The following PTPRD variants were observed in gnomAD, a reference collection of about 807,000 sequenced individuals.
PTPRD encodes the protein protein tyrosine phosphatase receptor type D.
Under a neutral mutation model 214.5 loss-of-function variants are expected in PTPRD, and 34 were observed. The observed-to-expected ratio is 0.16, with a 90% CI of 0.12 to 0.21. The LOEUF is 0.21. PTPRD is among the 10% of genes least tolerant of loss of function. The probability of loss-of-function intolerance (pLI) is 1.00; values close to 1 mark genes in which losing one functional copy is unlikely to be tolerated. For missense variants in PTPRD, 2,545 were observed against 2,398.7 expected, an observed-to-expected ratio of 1.06 and a Z score of -1.27; for synonymous variants, 1,128 against 845.7, an observed-to-expected ratio of 1.33 and a Z score of -5.79.
At chr9:8,874,716 C>A (rs1309061922) in intron 11 of PTPRD, among the ~76,000 whole-genome samples, 3 of 152,168 alleles carry the variant, frequency 2.0e-5, no homozygotes, top group African/African-American at 7.2e-5. Context: ...CTGTTAAAAC[C>A]TCCAGAGTCC....
At chr9:10,381,886 A>G (rs1000864853) in intron 2 of PTPRD, among the ~76,000 whole-genome samples, 1 of 151,972 alleles carries the variant, frequency 6.6e-6, no homozygotes, top group African/African-American at 2.4e-5. Context: ...TTCCCAATGT[A>G]AAAAGTGATA....
intron 8 of PTPRD, among the ~76,000 whole-genome samples, chr9:9,509,161 G>C (rs760552676): frequency 4.6e-5 from 7 of 151,654 alleles, no homozygotes; most frequent in South Asian, 2.1e-4. Context: ...TGGAGGAAAA[G>C]CCATTCTAAG....
chr9:9,940,964 C>T (rs1002050829), intron 4 of PTPRD, among the ~76,000 whole-genome samples: 2 of 152,024 alleles, frequency 1.3e-5, no homozygotes, highest in African/African-American at 4.8e-5. Flanking sequence ...ATCACTTAGA[C>T]CTGGGGGTGG....
chr9:9,798,262 A>C (rs1253238870), intron 5 of PTPRD, among the ~76,000 whole-genome samples: 1 of 152,196 alleles, frequency 6.6e-6, no homozygotes, highest in East Asian at 1.9e-4. Flanking sequence ...AGAGGTCAAC[A>C]AGGGAAAATC....
chr9:9,563,457 A>T (rs1261333945), intron 8 of PTPRD, among the ~76,000 whole-genome samples: 3 of 152,056 alleles, frequency 2.0e-5, no homozygotes, highest in Non-Finnish European at 4.4e-5. Context: ...CTCTCTCCTT[A>T]TTTTATTCTG....
At chr9:9,978,128 G>C (rs909231281) in intron 4 of PTPRD, among the ~76,000 whole-genome samples, 6 of 152,104 alleles carry the variant, frequency 3.9e-5, no homozygotes, top group Non-Finnish European at 7.4e-5. Flanking sequence ...GGGAGAAAGT[G>C]ATTGGTAACA....
chr9:9,157,089 C>T (rs1234987140), intron 10 of PTPRD, among the ~76,000 whole-genome samples: 6 of 151,970 alleles, frequency 3.9e-5, no homozygotes, highest in East Asian at 1.9e-4. Context: ...AATTAGTGGC[C>T]GGAAACACAA....
At chr9:10,606,451 T>A (rs894366570) in intron 2 of PTPRD, among the ~76,000 whole-genome samples, 1 of 151,782 alleles carries the variant, frequency 6.6e-6, no homozygotes, top group Admixed American at 6.6e-5. Flanking sequence ...TTTCCTAAAT[T>A]CTAAATACAG....
chr9:8,944,786 G>C (rs916133942), intron 11 of PTPRD, among the ~76,000 whole-genome samples: 1 of 151,252 alleles, frequency 6.6e-6, no homozygotes, highest in African/African-American at 2.4e-5. Flanking sequence ...ATGATTAATG[G>C]GTACAAAAAT....
chr9:10,003,151 T>C lies in PTPRD; in HGVS notation c.-472+30567A>G, dbSNP rs573716123. ...TTAGTCAAGGGACATAAGAAATGAG[T>C]TCCAGGCAGAAGGAAGAATAAAGCC... On this transcript the variant is annotated intron_variant, in intron 4 of 45. Transcript: ENST00000381196. 3.3e-5 allele frequency among the ~76,000 whole-genome samples: 5 copies of C among 151,420 alleles called. No homozygotes were observed. The South Asian group carries it at 1.0e-3, about 32-fold the overall frequency.
chr9:9,814,468 G>A (rs1036673270), intron 5 of PTPRD, among the ~76,000 whole-genome samples: 1 of 152,004 alleles, frequency 6.6e-6, no homozygotes, highest in Non-Finnish European at 1.5e-5. Context: ...ATAAAAAATC[G>A]TGTTGCATTT....
intron 12 of PTPRD, among the ~76,000 whole-genome samples, chr9:8,668,097 G>C (rs768155030): frequency 6.6e-6 from 1 of 152,220 alleles, no homozygotes; most frequent in Non-Finnish European, 1.5e-5. Flanking sequence ...ACCATGTTGT[G>C]CTAGTGTAAA....
At chr9:8,921,473 T>C (rs796598652) in intron 11 of PTPRD, among the ~76,000 whole-genome samples, 15 of 151,998 alleles carry the variant, frequency 9.9e-5, no homozygotes, top group African/African-American at 3.6e-4. Flanking sequence ...TATGAATATG[T>C]ATTTTTTCAA....
At chr9:8,830,264 C>T (rs2097261637) in intron 11 of PTPRD, among the ~76,000 whole-genome samples, 1 of 152,108 alleles carries the variant, frequency 6.6e-6, no homozygotes, top group African/African-American at 2.4e-5. Flanking sequence ...AGTCCAAACT[C>T]TTAAGTGTTT....
intron 9 of PTPRD, among the ~76,000 whole-genome samples, chr9:9,372,350 C>T (rs1218645111): frequency 3.3e-5 from 5 of 152,066 alleles, no homozygotes; most frequent in Non-Finnish European, 4.4e-5. Context: ...TTGAATTGAT[C>T]CCTTTACAAT....
At chr9:10,093,668 A>T (rs2098454956) in intron 3 of PTPRD, among the ~76,000 whole-genome samples, 1 of 151,568 alleles carries the variant, frequency 6.6e-6, no homozygotes, top group Non-Finnish European at 1.5e-5. Flanking sequence ...CACCATTTAC[A>T]ATAACAAACA....
chr9:10,028,495 T>A (rs1349069616), intron 4 of PTPRD, among the ~76,000 whole-genome samples: 1 of 152,128 alleles, frequency 6.6e-6, no homozygotes, highest in African/African-American at 2.4e-5. Context: ...CCTAGAGACT[T>A]GTTGCATGGC....
At position 8,569,995 on chromosome 9, in the gene PTPRD, G is replaced by A. The variant is rs181653917; in HGVS notation, c.353-41216C>T. On this transcript the variant is annotated intron_variant, in intron 14 of 45. Transcript: ENST00000381196. The stretch of plus-strand genomic sequence containing the variant: ...AACTGTTAGAAAAACCACAGTTTCC[G>A]TAATGAAGTTGTAGTGGAAGTACAA... Among the ~76,000 whole-genome samples the A allele has an allele frequency of 6.1e-4, 93 of 152,172 alleles. 1 individual carries two copies. Among genetic ancestry groups the A allele is most frequent in the Admixed American group, 3.9e-3 (60 of 15,262 alleles).
intron 3 of PTPRD, among the ~76,000 whole-genome samples, chr9:10,187,811 T>C (rs938863772): frequency 6.6e-6 from 1 of 152,198 alleles, no homozygotes; most frequent in Non-Finnish European, 1.5e-5. Flanking sequence ...ACTAGAATTG[T>C]GGCAAAGGTC....
Sources: allele counts gnomAD v4.1 joint callset (sites outside exome capture counted in the v4.1 genomes callset), GRCh38; gene constraint gnomAD v4.1.1; transcripts MANE v1.5; gene names NCBI Gene and HGNC (gene_info 2026-07-23, HGNC 2026-07-21).